The following PWP1 variants were observed in gnomAD, a reference collection of about 807,000 sequenced individuals.
PWP1 encodes PWP1 homolog, endonuclein, also known as periodic tryptophan protein 1 homolog.
Under a neutral mutation model 69.9 loss-of-function variants are expected in PWP1, and 47 were observed. The ratio of observed to expected loss-of-function variants is 0.67; its 90% confidence interval spans 0.53 to 0.86. The LOEUF is 0.86. Among genes scored for constraint, PWP1 ranks in the 40% least tolerant of loss-of-function variants. PWP1 has a pLI of 0.00. For synonymous variants in PWP1, 222 were observed against 208.2 expected (o/e 1.07, Z -0.57); for missense variants, 551 against 608.8 (o/e 0.91, Z 1.00).
rs139317682 is a variant in PWP1, at chr12:107,692,851, G to A, written c.357G>A (p.Thr119=). 1.4e-5 allele frequency: 23 copies of A among 1,613,638 alleles called. No individual in the cohort carries two copies. The highest frequency in any genetic ancestry group is 5.3e-5 in the African/African-American group (4 of 74,870). Reference sequence around the variant, plus strand: ...TTGGTGAATCTCTCTTGGGTCTTACGGTCTACGGGAGTAATGATCAAGATC... The same window carrying A: ...TTGGTGAATCTCTCTTGGGTCTTACAGTCTACGGGAGTAATGATCAAGATC... ...ETLGESLLGL[T]VYGSNDQDPY... is the part of the protein sequence containing the mutation. The change falls in exon 4 of 15, where the codon ACG becomes ACA. Residue 119 remains threonine, a synonymous_variant. Coordinates refer to ENST00000412830, the MANE Select transcript of PWP1 (RefSeq NM_007062.3).
intron 1 of PWP1, among the ~76,000 whole-genome samples, chr12:107,687,057 GAGTTA>G (rs1222262316): frequency 6.6e-6 from 1 of 151,752 alleles, no homozygotes; most frequent in East Asian, 1.9e-4. Flanking sequence ...ATGTCAGTGG[GAGTTA>G]AGTTCTACCA....
In PWP1 at chr12:107,702,865, CA is replaced by C. The variant is rs1889740385; in HGVS notation, c.807-68del. The C allele has an allele frequency of 1.2e-5, 11 of 933,830 alleles. 1 individual carries two copies. Among genetic ancestry groups the C allele is most frequent in the Middle Eastern group, 2.1e-4 (1 of 4,722 alleles). 57.8% of individuals were successfully genotyped at this position (933,830 alleles called of 1,614,324 possible). On this transcript the variant is annotated intron_variant, in intron 8 of 14. Coordinates refer to ENST00000412830, the MANE Select transcript of PWP1 (RefSeq NM_007062.3). ...ATTCTTTCTGATGCTATTGTAAATG[CA>C]ATCCTTTTCTCATATTTAATGCTCT...
chr12:107,693,147 T>C (rs763591441), intron 5 of PWP1, 51 bp downstream of exon 5: 6 of 1,558,772 alleles, frequency 3.8e-6, no homozygotes, highest in Admixed American at 2.0e-5. Flanking sequence ...GGTAAAATAA[T>C]AAGTGAAATA....
Position 107,712,116 on chromosome 12 carries a change from G to A in PWP1, c.1402G>A (p.Glu468Lys), listed in dbSNP as rs11547909. The A allele has an allele frequency of 6.5e-3, 10,559 of 1,612,902 alleles. 45 individuals are homozygous for A. Among genetic ancestry groups the A allele is most frequent in the Non-Finnish European group, 7.9e-3 (9,327 of 1,179,008 alleles). ...CCTGTTTATTTGTATTTTAGTAAATGAAGCATTTGGAAGACGAGAGAGGCT... is the reference window on the plus strand; with the variant it reads ...CCTGTTTATTTGTATTTTAGTAAATAAAGCATTTGGAAGACGAGAGAGGCT... ...WDISTVSSVN[E>K]AFGRRERLVL... The change falls in exon 15 of 15, where the codon GAA becomes AAA. Residue 468 changes from glutamate (E) to lysine (K), a missense_variant. Physicochemically the swap from Glu to Lys is moderately conservative, Grantham distance 56. Coordinates refer to ENST00000412830, the MANE Select transcript of PWP1 (RefSeq NM_007062.3).
chr12:107,694,175 A>G (rs1889537805), intron 5 of PWP1, among the ~76,000 whole-genome samples: 1 of 152,172 alleles, frequency 6.6e-6, no homozygotes. Flanking sequence ...AGACTTGCAC[A>G]ATGTCTGGCG....
In PWP1 at chr12:107,712,183, T is replaced by TA. The variant is rs1364430026; in HGVS notation, c.1469_1470insA (p.Phe490LeufsTer18). On this transcript the variant is annotated frameshift_variant, in exon 15 of 15. Coordinates refer to ENST00000412830, the MANE Select transcript of PWP1 (RefSeq NM_007062.3). LOFTEE classifies it high-confidence loss of function. ...AGAAATTCATCTATTAGTGGCCCTT[T>TA]TGGCAGCAGGAGCTCAGATACACCC... 4.3e-6 allele frequency: 7 copies of TA among 1,613,952 alleles called. No homozygotes were observed. The highest frequency in any genetic ancestry group is 5.9e-6 in the Non-Finnish European group (7 of 1,179,920).
At chr12:107,687,517 G>C (rs1474560219) in intron 1 of PWP1, among the ~76,000 whole-genome samples, 1 of 152,204 alleles carries the variant, frequency 6.6e-6, no homozygotes, top group Non-Finnish European at 1.5e-5. Flanking sequence ...CTGATGTACA[G>C]ATAAGTCTGG....
chr12:107,690,769 T>C (rs896533775), intron 3 of PWP1, among the ~76,000 whole-genome samples: 6 of 152,046 alleles, frequency 3.9e-5, no homozygotes, highest in African/African-American at 1.2e-4. Flanking sequence ...ATTGAGGAAA[T>C]AGTGTTAACT....
chr12:107,712,077 C>G (rs1889962765), intron 14 of PWP1, 34 bp from the exon 15 acceptor site: 1 of 1,527,104 alleles, frequency 6.5e-7, no homozygotes, highest in Non-Finnish European at 9.1e-7. Flanking sequence ...ATTTCCTGAT[C>G]TGTTAGTTTC....
At chr12:107,705,942 T>C (rs530790286) in intron 11 of PWP1, among the ~76,000 whole-genome samples, 1 of 152,332 alleles carries the variant, frequency 6.6e-6, no homozygotes, top group South Asian at 2.1e-4. Flanking sequence ...TCAAATGGTA[T>C]TTTTAGTTCT....
chr12:107,691,480 G>T (rs1483024357), intron 3 of PWP1, among the ~76,000 whole-genome samples: 1 of 152,220 alleles, frequency 6.6e-6, no homozygotes, highest in African/African-American at 2.4e-5. Context: ...TGGAGAACAG[G>T]TTGGCAGATA....
chr12:107,708,823 C>T, intron 11 of PWP1, 103 bp from the exon 12 acceptor site: 2 of 1,042,848 alleles, frequency 1.9e-6, no homozygotes, highest in South Asian at 1.5e-5. Context: ...TCATAAGTTC[C>T]ACCAGTAAGT....
chr12:107,709,320 G>A, intron 13 of PWP1, 88 bp downstream of exon 13: 1 of 1,480,546 alleles, frequency 6.8e-7, no homozygotes, highest in Non-Finnish European at 9.2e-7. Context: ...TTTTTCTGTT[G>A]GAACTATTGC....
At chr12:107,703,287 C>A (rs914346051) in intron 9 of PWP1, among the ~76,000 whole-genome samples, 1 of 152,102 alleles carries the variant, frequency 6.6e-6, no homozygotes, top group Admixed American at 6.6e-5. Flanking sequence ...ATAGAGGCTC[C>A]TAAAAAAGGA....
At chr12:107,695,919 G>C (rs1447435252) in intron 5 of PWP1, among the ~76,000 whole-genome samples, 1 of 152,008 alleles carries the variant, frequency 6.6e-6, no homozygotes, top group African/African-American at 2.4e-5. Flanking sequence ...TATCTGACAA[G>C]GATGCAGGTG....
At chr12:107,694,397 T>C (rs1889543267) in intron 5 of PWP1, among the ~76,000 whole-genome samples, 1 of 152,224 alleles carries the variant, frequency 6.6e-6, no homozygotes, top group African/African-American at 2.4e-5. Context: ...ACCCTTAGGC[T>C]TAATGTTTAT....
rs532370768 is a variant in PWP1, at chr12:107,710,482, G to C, written c.1368G>C (p.Arg456=). The change falls in exon 14 of 15, where the codon CGG becomes CGC. Residue 456 remains arginine (R), a synonymous_variant. Transcript: ENST00000412830. Reference sequence around the variant, plus strand: ...TTGGAGGTCAAAAAGAAGGGCTTCGGGTCTGGGATATAAGCACAGTCTCTT... The same window carrying C: ...TTGGAGGTCAAAAAGAAGGGCTTCGCGTCTGGGATATAAGCACAGTCTCTT... ...YAFGGQKEGL[R]VWDISTVSSV... is the part of the protein sequence containing the mutation. 2.9e-5 allele frequency: 47 copies of C among 1,610,838 alleles called. No homozygotes were observed. In the South Asian group the frequency reaches 4.8e-4, roughly 17 times the overall value.
chr12:107,693,196 C>G (rs1889520495), intron 5 of PWP1, 100 bp downstream of exon 5: 4 of 1,459,280 alleles, frequency 2.7e-6, no homozygotes, highest in Non-Finnish European at 3.6e-6. Context: ...CCTATTGTAT[C>G]TCATTTAAGT....
In PWP1 at chr12:107,685,873, G is replaced by A; in HGVS notation, c.-27G>A. 6.2e-7 allele frequency: 1 copy of A among 1,613,228 alleles called. No homozygotes were observed. Among genetic ancestry groups the A allele is most frequent in the East Asian group, 2.2e-5 (1 of 44,868 alleles). The stretch of plus-strand genomic sequence containing the variant: ...CCCTCCCTATGCAGCCTGGTTTCTA[G>A]CGTGACACGCCCTTGACTTGAGGAC... On this transcript the variant is annotated 5_prime_UTR_variant, in exon 1 of 15. It removes the in-frame stop codon of an upstream open reading frame in the 5' UTR. Coordinates refer to ENST00000412830, the MANE Select transcript of PWP1 (RefSeq NM_007062.3).
Sources: gnomAD v4.1 joint callset for allele counts (sites outside exome capture counted in the v4.1 genomes callset) on GRCh38, gnomAD v4.1.1 for gene constraint, MANE v1.5 for transcripts, NCBI Gene and HGNC (gene_info 2026-07-23, HGNC 2026-07-21) for gene names.